Variants in KCNB2 observed in about 807,000 individuals in gnomAD.
KCNB2 encodes the protein delayed rectifier potassium channel protein.
Under a neutral mutation model 61.5 loss-of-function variants are expected in KCNB2, and 15 were observed. That is an observed-to-expected ratio of 0.24 (90% CI 0.16 to 0.38). KCNB2 has a LOEUF of 0.38. KCNB2 is among the 10% of genes least tolerant of loss of function. KCNB2 has a pLI of 1.00. For missense variants in KCNB2, 828 were observed against 1,125.2 expected, an observed-to-expected ratio of 0.74 and a Z score of 3.78; for synonymous variants, 457 against 446.0, an observed-to-expected ratio of 1.02 and a Z score of -0.31.
intron 2 of KCNB2, among the ~76,000 whole-genome samples, chr8:72,725,563 A>ATATATATG (rs1807626054): frequency 1.1e-5 from 1 of 90,678 alleles, no homozygotes; most frequent in South Asian, 4.1e-4. Flanking sequence ...ATATGTATAT[A>ATATATATG]TGTATATATA....
intron 2 of KCNB2, among the ~76,000 whole-genome samples, chr8:72,682,610 AAAG>A (rs1189779968): frequency 6.6e-6 from 1 of 151,718 alleles, no homozygotes; most frequent in Non-Finnish European, 1.5e-5. Context: ...AAAAAAAAAA[AAAG>A]GAGAGGATTT....
chr8:72,849,436 G>T (rs1810054537), intron 2 of KCNB2, among the ~76,000 whole-genome samples: 1 of 152,026 alleles, frequency 6.6e-6, no homozygotes, highest in South Asian at 2.1e-4. Context: ...TATTCCTCCT[G>T]TCTAGCAGTT....
intron 2 of KCNB2, among the ~76,000 whole-genome samples, chr8:72,895,333 G>A (rs1330927458): frequency 6.6e-6 from 1 of 152,216 alleles, no homozygotes; most frequent in Non-Finnish European, 1.5e-5. Context: ...GCAGACAGCT[G>A]TAGAAAGATG....
At chr8:72,829,020 C>T (rs1021804432) in intron 2 of KCNB2, among the ~76,000 whole-genome samples, 1 of 152,148 alleles carries the variant, frequency 6.6e-6, no homozygotes, top group African/African-American at 2.4e-5. Flanking sequence ...CTTTTTGGAT[C>T]CCTCCTCCCG....
intron 2 of KCNB2, among the ~76,000 whole-genome samples, chr8:72,614,202 G>A (rs1007831109): frequency 1.4e-4 from 21 of 152,100 alleles, no homozygotes; most frequent in Admixed American, 1.4e-3. Context: ...GGTAAAAATA[G>A]TTTTATTAGA....
At chr8:72,731,941 T>C (rs1372408629) in intron 2 of KCNB2, 1 of 152,202 alleles carries the variant, frequency 6.6e-6, no homozygotes, top group East Asian at 1.9e-4. Flanking sequence ...GCTGAAGTCA[T>C]ATGTGGCATC....
chr8:72,699,367 T>G (rs180956417), intron 2 of KCNB2, among the ~76,000 whole-genome samples: 59 of 152,322 alleles, frequency 3.9e-4, no homozygotes, highest in Admixed American at 2.5e-3. Flanking sequence ...TTTTTTCATA[T>G]GTTTGTTGGC....
chr8:72,713,888 T>C (rs1317939067), intron 2 of KCNB2, among the ~76,000 whole-genome samples: 1 of 151,816 alleles, frequency 6.6e-6, no homozygotes, highest in African/African-American at 2.4e-5. Context: ...TTCGAAACAA[T>C]GGCAAAGAAG....
chr8:72,924,327 T>C (rs1459068273), intron 2 of KCNB2, among the ~76,000 whole-genome samples: 1 of 150,170 alleles, frequency 6.7e-6, no homozygotes, highest in Non-Finnish European at 1.5e-5. Flanking sequence ...TGAGATCCGC[T>C]GGTTTAAACT....
intron 2 of KCNB2, among the ~76,000 whole-genome samples, chr8:72,734,135 A>G (rs1334543904): frequency 6.6e-6 from 1 of 152,194 alleles, no homozygotes; most frequent in African/African-American, 2.4e-5. Flanking sequence ...AAGCAGTCTC[A>G]TTATCAACTG....
chr8:72,919,130 G>A (rs952513519), intron 2 of KCNB2, among the ~76,000 whole-genome samples: 1 of 152,164 alleles, frequency 6.6e-6, no homozygotes, highest in Non-Finnish European at 1.5e-5. Flanking sequence ...ATATGTAAAT[G>A]CATGTATTTA....
At chr8:72,787,679 T>C (rs758360350) in intron 2 of KCNB2, among the ~76,000 whole-genome samples, 3 of 152,146 alleles carry the variant, frequency 2.0e-5, no homozygotes, top group African/African-American at 4.8e-5. Flanking sequence ...GGAAGAAAGA[T>C]AATGCAGAAT....
At chr8:72,695,529 T>C (rs1050404169) in intron 2 of KCNB2, among the ~76,000 whole-genome samples, 2 of 152,196 alleles carry the variant, frequency 1.3e-5, no homozygotes, top group African/African-American at 4.8e-5. Flanking sequence ...ATTAATCAAG[T>C]AATCTAACAA....
rs1401791514 is a variant in KCNB2, at chr8:72,937,904, G to A, written c.2549G>A (p.Ser850Asn). 2 of 1,614,172 alleles carry A rather than the reference G, an allele frequency of 1.2e-6. No homozygotes were observed. The highest frequency in any genetic ancestry group is 2.2e-5 in the South Asian group (2 of 91,084). ...AGAGACCCTTTAAGAGAAGAGGGCA[G>A]TGTGGGCTCTTCCTCCCCGCAGGAC... Reference protein sequence around the residue: ...DGRDPLREEGSVGSSSPQDTG... With the variant: ...DGRDPLREEGNVGSSSPQDTG... The change falls in exon 3 of 3, where the codon AGT becomes AAT. Residue 850 changes from serine to asparagine, a missense_variant. By Grantham distance (46) the Ser-to-Asn change is conservative (BLOSUM62 1). This residue lies in a region of KCNB2 where 559 missense variants were observed against 588.4 expected (regional missense o/e 0.95). Transcript: ENST00000523207.
intron 2 of KCNB2, among the ~76,000 whole-genome samples, chr8:72,579,767 G>A (rs879371474): frequency 1.3e-5 from 2 of 152,208 alleles, no homozygotes; most frequent in Admixed American, 1.3e-4. Context: ...AGTCCTCTGT[G>A]AGGTATGGAT....
chr8:72,803,047 A>G (rs1809157339), intron 2 of KCNB2, among the ~76,000 whole-genome samples: 1 of 152,218 alleles, frequency 6.6e-6, no homozygotes, highest in African/African-American at 2.4e-5. Flanking sequence ...GATCGCCACC[A>G]TGAGACACAT....
intron 2 of KCNB2, among the ~76,000 whole-genome samples, chr8:72,596,381 T>C (rs1018311677): frequency 1.1e-4 from 16 of 152,228 alleles, no homozygotes; most frequent in Non-Finnish European, 4.4e-5. Flanking sequence ...AATTGCTCTG[T>C]GCCTAATTTT....
intron 2 of KCNB2, among the ~76,000 whole-genome samples, chr8:72,811,326 A>T (rs1399887105): frequency 6.6e-6 from 1 of 152,006 alleles, no homozygotes; most frequent in Non-Finnish European, 1.5e-5. Flanking sequence ...AAAATTTAAC[A>T]TAATAAATTT....
At chr8:72,751,587 C>T (rs567504028) in intron 2 of KCNB2, 4 of 152,162 alleles carry the variant, frequency 2.6e-5, no homozygotes, top group Non-Finnish European at 5.9e-5. Context: ...CAAGGCAAGT[C>T]ATAAGGAGAT....
Sources: allele counts gnomAD v4.1 joint callset (sites outside exome capture counted in the v4.1 genomes callset), GRCh38; gene constraint gnomAD v4.1.1; regional missense constraint gnomAD v4.1.1; transcripts MANE v1.5; gene names NCBI Gene and HGNC (gene_info 2026-07-23, HGNC 2026-07-21).